Variants in SART1 observed in about 807,000 individuals in gnomAD.
The protein encoded by SART1 is U4/U6.U5 tri-snRNP-associated protein 1.
Under a neutral mutation model 105.0 loss-of-function variants are expected in SART1, and 28 were observed. That is an observed-to-expected ratio of 0.27 (90% CI 0.20 to 0.37). SART1 has a LOEUF of 0.37. Ranked by LOEUF, SART1 falls within the 10% of genes least tolerant of loss-of-function variation. The pLI, the probability that SART1 is intolerant of heterozygous loss-of-function variation, is 1.00. For synonymous variants in SART1, 472 were observed against 462.9 expected, an observed-to-expected ratio of 1.02 and a Z score of -0.25; for missense variants, 894 against 1,106.5, an observed-to-expected ratio of 0.81 and a Z score of 2.72.
At chr11:65,973,382 A>G (rs978629312) in intron 12 of SART1, among the ~76,000 whole-genome samples, 2 of 152,166 alleles carry the variant, frequency 1.3e-5, no homozygotes, top group Non-Finnish European at 2.9e-5. Flanking sequence ...CAGGCAGTTC[A>G]CAGAAGAGAA....
chr11:65,978,501 G>T lies in SART1; in HGVS notation c.2173-99G>T. On this transcript the variant is annotated intron_variant, in intron 17 of 19. Transcript: ENST00000312397. This position sits in a 1 kb window ranked among gnomAD's most constrained non-coding sequence, Gnocchi z 6.8. ...ACTGCACCCCAGGCCTGGCATTGGG[G>T]TCAATCAACACCCGCCCTGTTATTA... 1 of 1,188,870 alleles carries T rather than the reference G, an allele frequency of 8.4e-7. No homozygotes were observed. Among genetic ancestry groups the T allele is most frequent in the Non-Finnish European group, 1.2e-6 (1 of 823,996 alleles). 73.6% of individuals were successfully genotyped at this position (1,188,870 alleles called of 1,614,324 possible). A position where few individuals can be genotyped will look rare whatever the true frequency, so the allele number is the denominator to read the frequency against.
In SART1 at chr11:65,967,835, T is replaced by C. The variant is rs1373176453; in HGVS notation, c.1572+14T>C. ...AGTGGCGAGAAGGTGAGGCTGGGCA[T>C]GGGCAGGGTGACTGCGTCAGCAGTC... On this transcript the variant is annotated intron_variant, in intron 12 of 19. Transcript: ENST00000312397. 3 of 1,497,930 alleles carry C rather than the reference T, an allele frequency of 2.0e-6. No homozygotes were observed. Among genetic ancestry groups the C allele is most frequent in the African/African-American group, 1.4e-5 (1 of 71,248 alleles). The allele number at this position is 1,497,930 out of a possible 1,614,324, so 92.8% of individuals were successfully genotyped here.
chr11:65,976,942 G>A lies in SART1; in HGVS notation c.1858-72G>A. On this transcript the variant is annotated intron_variant, in intron 14 of 19. Coordinates refer to ENST00000312397, the MANE Select transcript of SART1 (RefSeq NM_005146.5). This position sits in a 1 kb window ranked among gnomAD's most constrained non-coding sequence, Gnocchi z 5.1. Reference sequence around the variant, plus strand: ...TGTTGTGGAGGGCTGGTGCCTGGCAGGTGGTGACCAGTGGGTGGGGCTGAG... The same window carrying A: ...TGTTGTGGAGGGCTGGTGCCTGGCAAGTGGTGACCAGTGGGTGGGGCTGAG... 1 of 1,302,962 alleles carries A rather than the reference G, an allele frequency of 7.7e-7. No individual in the cohort carries two copies. Among genetic ancestry groups the A allele is most frequent in the Non-Finnish European group, 1.1e-6 (1 of 899,540 alleles). The allele number at this position is 1,302,962 out of a possible 1,614,324, so 80.7% of individuals were successfully genotyped here.
rs1166032423 is a variant in SART1 at position 65,967,291 on chromosome 11, G to T, written c.1221G>T (p.Lys407Asn). 1 of 1,614,126 alleles carries T rather than the reference G, an allele frequency of 6.2e-7. No individual in the cohort carries two copies. Among genetic ancestry groups the T allele is most frequent in the Admixed American group, 1.7e-5 (1 of 60,026 alleles). ...TTAAAAAGACCAAGCGGAGGGTGAA[G>T]AAAATCCGCAAGAAGGAGAAGGAGG... ...VTFKKTKRRV[K>N]KIRKKEKEVV... The change falls in exon 10 of 20, where the codon AAG (lysine) becomes AAT (asparagine). Residue 407 changes from lysine to asparagine, a missense_variant. Lys to Asn is a moderately conservative substitution (Grantham distance 94, BLOSUM62 0). Transcript: ENST00000312397.
intron 3 of SART1, 61 bp downstream of exon 3, chr11:65,964,631 G>C: frequency 6.5e-7 from 1 of 1,542,922 alleles, no homozygotes; most frequent in South Asian, 1.2e-5. Context: ...GGTCTTTGAA[G>C]AAGGTGGGGT....
intron 12 of SART1, among the ~76,000 whole-genome samples, chr11:65,972,286 GC>G (rs1855394626): frequency 6.6e-6 from 1 of 152,152 alleles, no homozygotes; most frequent in South Asian, 2.1e-4. Flanking sequence ...AGACAGCGGG[GC>G]CCCGAGACAG....
Position 65,976,831 on chromosome 11 carries a change from T to G in SART1, c.1857+65T>G. The G allele has an allele frequency of 7.2e-7, 1 of 1,392,020 alleles. No homozygotes were observed. Among genetic ancestry groups the G allele is most frequent in the Non-Finnish European group, 9.9e-7 (1 of 1,006,894 alleles). 86.2% of individuals were successfully genotyped at this position (1,392,020 alleles called of 1,614,324 possible). On this transcript the variant is annotated intron_variant, in intron 14 of 19. Coordinates refer to ENST00000312397, the MANE Select transcript of SART1 (RefSeq NM_005146.5). The surrounding 1 kb of genome is among the most constrained non-coding windows in gnomAD (Gnocchi z 5.1). ...CTCAAGCTGGAGATGAGCACCGGGC[T>G]CGGTGTCCAGAGCCTCAGCCTCCTC...
chr11:65,972,658 G>A (rs1036267789), intron 12 of SART1, among the ~76,000 whole-genome samples: 2 of 151,946 alleles, frequency 1.3e-5, no homozygotes, highest in African/African-American at 2.4e-5. Context: ...CCTCAGCTAC[G>A]CCGGAGGCTA....
chr11:65,967,592 G>T lies in SART1; in HGVS notation c.1429+6G>T, dbSNP rs760544540. On this transcript the variant is annotated splice_donor_region_variant and intron_variant, in intron 11 of 19. Coordinates refer to ENST00000312397, the MANE Select transcript of SART1 (RefSeq NM_005146.5). ...CATGGACATCAGTGATGAGGGTGAG[G>T]GCCCGGCCAGGGGGTGGGAGGGGCA... 81 of 1,611,220 alleles carry T rather than the reference G, an allele frequency of 5.0e-5. No homozygotes were observed. Among genetic ancestry groups the T allele is most frequent in the Middle Eastern group, 1.7e-4 (1 of 5,836 alleles).
At chr11:65,964,768 C>T (rs565698575) in intron 3 of SART1, among the ~76,000 whole-genome samples, 198 bp downstream of exon 3, 5 of 152,274 alleles carry the variant, frequency 3.3e-5, no homozygotes, top group South Asian at 2.1e-4. Flanking sequence ...GAGCTGTGGC[C>T]GTCGCATACT....
At chr11:65,967,443 G>A (rs1484897596) in intron 10 of SART1, 28 bp from the exon 11 acceptor site, 5 of 1,613,724 alleles carry the variant, frequency 3.1e-6, no homozygotes, top group South Asian at 2.2e-5. Context: ...GGGGACCGGT[G>A]CTCACCAGAG....
intron 12 of SART1, among the ~76,000 whole-genome samples, chr11:65,970,143 G>A (rs141911207): frequency 3.2e-4 from 48 of 152,272 alleles, no homozygotes; most frequent in African/African-American, 1.1e-3. Flanking sequence ...CATTGTTACA[G>A]TTCTTTTCTT....
chr11:65,965,664 T>C (rs1473827374), intron 5 of SART1, 38 bp from the exon 6 acceptor site: 1 of 1,590,366 alleles, frequency 6.3e-7, no homozygotes, highest in East Asian at 2.2e-5. Context: ...TGATGCTGAG[T>C]GGCCTGAAGT....
At chr11:65,967,971 A>C in intron 12 of SART1, 150 bp downstream of exon 12, 3 of 675,054 alleles carry the variant, frequency 4.4e-6, no homozygotes, top group Non-Finnish European at 6.7e-6. Context: ...TTTTTTTGAG[A>C]CAGAGTTTCG....
intron 12 of SART1, among the ~76,000 whole-genome samples, chr11:65,974,972 G>A (rs1031797433): frequency 3.9e-5 from 6 of 152,128 alleles, no homozygotes; most frequent in Non-Finnish European, 8.8e-5. Context: ...CCCAGGAGGC[G>A]GAGCTTGCAG....
Position 65,962,100 on chromosome 11 carries a change from A to AGGCGGGGCCTGCGCAGGG in SART1, c.313+14_313+31dup. 4 of 191,060 alleles carry AGGCGGGGCCTGCGCAGGG rather than the reference A, an allele frequency of 2.1e-5. No homozygotes were observed. The highest frequency in any genetic ancestry group is 2.5e-5 in the Non-Finnish European group (4 of 157,162). The allele number at this position is 191,060 out of a possible 1,614,324, so 11.8% of individuals were successfully genotyped here. The stretch of plus-strand genomic sequence containing the variant: ...GATGACGGCTACGAGGCCGGTGAGG[A>AGGCGGGGCCTGCGCAGGG]GGCGGGGCCTGCGCAGGGGGCGGGT... On this transcript the variant is annotated splice_region_variant and intron_variant, in intron 1 of 19. Transcript: ENST00000312397.
At position 65,965,450 on chromosome 11, in the gene SART1, G is replaced by A; in HGVS notation, c.660+3G>A. The A allele has an allele frequency of 6.4e-7, 1 of 1,553,778 alleles. No homozygotes were observed. The highest frequency in any genetic ancestry group is 1.4e-5 in the African/African-American group (1 of 73,296). ...AGAAGGACCTGGCAGAGAAGAGGGT[G>A]AGCACCTGGGCAGCATGGGGTGGTC... On this transcript the variant is annotated splice_donor_region_variant and intron_variant, in intron 5 of 19. Transcript: ENST00000312397.
At chr11:65,977,489 G>T (rs1565318573) in intron 15 of SART1, 74 bp from the exon 16 acceptor site, 1 of 1,288,774 alleles carries the variant, frequency 7.8e-7, no homozygotes, top group African/African-American at 1.5e-5. Flanking sequence ...CACAGGGCCT[G>T]CTCTGCCTTC....
chr11:65,974,818 G>A (rs1021809667), intron 12 of SART1, among the ~76,000 whole-genome samples: 3 of 152,078 alleles, frequency 2.0e-5, no homozygotes, highest in Non-Finnish European at 2.9e-5. Flanking sequence ...GGCAAATCAC[G>A]AGGTCAGGAG....
Sources: gnomAD v4.1 joint callset for allele counts (sites outside exome capture counted in the v4.1 genomes callset) on GRCh38, gnomAD v4.1.1 for gene constraint, Gnocchi (gnomAD v3.1) non-coding constraint, MANE v1.5 for transcripts, NCBI Gene and HGNC (gene_info 2026-07-23, HGNC 2026-07-21) for gene names.